The following ANKS1B variants were observed in gnomAD, a reference collection of about 807,000 sequenced individuals.
ANKS1B encodes ankyrin repeat and sterile alpha motif domain containing 1B.
ANKS1B carries 36 observed loss-of-function variants against 148.3 expected under a neutral mutation model. The observed-to-expected ratio is 0.24, with a 90% confidence interval of 0.19 to 0.32. ANKS1B has a LOEUF of 0.32. ANKS1B is among the 10% of genes least tolerant of loss of function. The probability of loss-of-function intolerance (pLI) is 1.00; values close to 1 mark genes in which losing one functional copy is unlikely to be tolerated. For synonymous variants in ANKS1B, 542 were observed against 560.8 expected, an observed-to-expected ratio of 0.97 and a Z score of 0.47; for missense variants, 1,157 against 1,542.6, an observed-to-expected ratio of 0.75 and a Z score of 4.19.
Position 99,878,363 on chromosome 12 carries a change from C to T in ANKS1B, c.135-52974G>A, listed in dbSNP as rs549886930. Among the ~76,000 whole-genome samples, 3 of 152,276 alleles carry T rather than the reference C, an allele frequency of 2.0e-5. No homozygotes were observed. In the South Asian group the frequency reaches 6.2e-4, roughly 32 times the overall value. ...AAAAAGTAAGCTTTTAGCTTTCCGG[C>T]CTCTACAATGAAGAAAAGCAAGGGT... On this transcript the variant is annotated intron_variant, in intron 1 of 26. Coordinates refer to ENST00000683438, the MANE Select transcript of ANKS1B (RefSeq NM_001352186.2).
chr12:99,035,832 A>G (rs2099955204), intron 17 of ANKS1B, among the ~76,000 whole-genome samples: 1 of 152,158 alleles, frequency 6.6e-6, no homozygotes, highest in African/African-American at 2.4e-5. Flanking sequence ...AAAGTGGAAA[A>G]GGCAGCAGGG....
intron 9 of ANKS1B, among the ~76,000 whole-genome samples, chr12:99,651,425 C>T (rs2098418694): frequency 6.6e-6 from 1 of 152,048 alleles, no homozygotes; most frequent in Admixed American, 6.6e-5. Context: ...ACTGGAGACC[C>T]CCTAAGAAGC....
At chr12:99,531,100 T>C (rs1424436923) in intron 9 of ANKS1B, among the ~76,000 whole-genome samples, 2 of 152,144 alleles carry the variant, frequency 1.3e-5, no homozygotes, top group South Asian at 4.1e-4. Context: ...TTCTACTTAG[T>C]CCAGTAAGAA....
chr12:98,739,549 T>C (rs2097788317), downstream of ANKS1B, among the ~76,000 whole-genome samples: 2 of 152,166 alleles, frequency 1.3e-5, no homozygotes. Context: ...GGGAAGCCTG[T>C]TTCTACTTTG....
At position 99,084,919 on chromosome 12, in the gene ANKS1B, G is replaced by T; in HGVS notation, c.2625+6C>A. On this transcript the variant is annotated splice_donor_region_variant and intron_variant, in intron 16 of 26. Coordinates refer to ENST00000683438, the MANE Select transcript of ANKS1B (RefSeq NM_001352186.2). ...ACAGGACTAGGGCAATAAAAGTATT[G>T]CTCACCTTTGGAAGGAGCTGGATTG... The T allele has an allele frequency of 6.2e-7, 1 of 1,603,826 alleles. No homozygotes were observed. The highest frequency in any genetic ancestry group is 1.1e-5 in the South Asian group (1 of 88,906).
intron 8 of ANKS1B, among the ~76,000 whole-genome samples, chr12:99,689,887 C>T (rs372119073): frequency 1.2e-4 from 18 of 152,274 alleles, no homozygotes; most frequent in African/African-American, 4.1e-4. Context: ...TTGATTGCAG[C>T]CTTGTGAGAC....
chr12:99,905,533 G>A (rs1180916768), intron 1 of ANKS1B, among the ~76,000 whole-genome samples: 1 of 152,168 alleles, frequency 6.6e-6, no homozygotes, highest in Non-Finnish European at 1.5e-5. Context: ...GCACACAGAA[G>A]GTACTCAACA....
At chr12:99,060,229 C>A (rs1373164745) in intron 16 of ANKS1B, among the ~76,000 whole-genome samples, 1 of 151,438 alleles carries the variant, frequency 6.6e-6, no homozygotes, top group Non-Finnish European at 1.5e-5. Flanking sequence ...CTTCCTTGTT[C>A]TTGTTCCACC....
intron 12 of ANKS1B, among the ~76,000 whole-genome samples, chr12:99,329,092 T>C (rs573837632): frequency 1.8e-4 from 27 of 152,074 alleles, no homozygotes; most frequent in South Asian, 8.3e-4. Context: ...CTCAGTGAAC[T>C]ATGGAGCAAC....
chr12:99,330,836 A>G (rs1024307042), intron 12 of ANKS1B, among the ~76,000 whole-genome samples: 1 of 151,956 alleles, frequency 6.6e-6, no homozygotes, highest in African/African-American at 2.4e-5. Flanking sequence ...AATTGGGTCA[A>G]TTTTTATCCC....
At chr12:99,929,007 C>A (rs561769485) in intron 1 of ANKS1B, among the ~76,000 whole-genome samples, 2 of 152,112 alleles carry the variant, frequency 1.3e-5, no homozygotes, top group South Asian at 2.1e-4. Flanking sequence ...ATCATGCTCA[C>A]AGATTGGAAA....
At chr12:99,335,141 T>A (rs1031032168) in intron 12 of ANKS1B, among the ~76,000 whole-genome samples, 1 of 152,062 alleles carries the variant, frequency 6.6e-6, no homozygotes, top group Non-Finnish European at 1.5e-5. Flanking sequence ...TATTTACGTG[T>A]TGTATTTTTA....
intron 12 of ANKS1B, among the ~76,000 whole-genome samples, chr12:99,359,089 C>A (rs2092281028): frequency 6.6e-6 from 1 of 152,078 alleles, no homozygotes; most frequent in South Asian, 2.1e-4. Flanking sequence ...CCCCATTGTT[C>A]TTTTCAAAAT....
intron 11 of ANKS1B, among the ~76,000 whole-genome samples, chr12:99,426,090 C>A (rs1026427560): frequency 6.6e-6 from 1 of 152,036 alleles, no homozygotes; most frequent in African/African-American, 2.4e-5. Context: ...ACTGTTGTGA[C>A]AGAAGAAAGT....
intron 4 of ANKS1B, among the ~76,000 whole-genome samples, chr12:99,788,554 G>A (rs1346647878): frequency 6.6e-6 from 1 of 152,180 alleles, no homozygotes; most frequent in Non-Finnish European, 1.5e-5. Context: ...GGTGGCTACG[G>A]TGAACAACTT....
chr12:99,105,267 T>G (rs1260290219), intron 15 of ANKS1B, among the ~76,000 whole-genome samples: 2 of 152,122 alleles, frequency 1.3e-5, no homozygotes. Flanking sequence ...CCCAAGGACA[T>G]GCAAAATATC....
intron 17 of ANKS1B, among the ~76,000 whole-genome samples, chr12:99,004,744 G>A (rs1188094116): frequency 6.6e-6 from 1 of 151,934 alleles, no homozygotes; most frequent in African/African-American, 2.4e-5. Flanking sequence ...GGCCATGTGT[G>A]GTCCAGGCAT....
intron 17 of ANKS1B, among the ~76,000 whole-genome samples, chr12:99,038,190 T>G (rs561610014): frequency 1.3e-5 from 2 of 152,300 alleles, no homozygotes; most frequent in Non-Finnish European, 2.9e-5. Flanking sequence ...TCATTGCTTC[T>G]GGAGATTTCT....
chr12:98,982,951 C>T (rs944801787), intron 17 of ANKS1B, among the ~76,000 whole-genome samples: 18 of 152,136 alleles, frequency 1.2e-4, no homozygotes, highest in Admixed American at 2.0e-4. Flanking sequence ...GTAGATTATG[C>T]CAAATTGTTT....
Sources: gnomAD v4.1 joint callset for allele counts (sites outside exome capture counted in the v4.1 genomes callset) on GRCh38, gnomAD v4.1.1 for gene constraint, MANE v1.5 for transcripts, NCBI Gene and HGNC (gene_info 2026-07-23, HGNC 2026-07-21) for gene names.